DNMBP: variants seen among roughly 807,000 people sequenced by gnomAD.
DNMBP encodes the protein dynamin binding protein.
A neutral mutation model predicts 150.0 loss-of-function variants in DNMBP; 87 were observed. The ratio of observed to expected loss-of-function variants is 0.58; its 90% CI spans 0.49 to 0.69. The LOEUF is 0.69. DNMBP is among the 30% of genes least tolerant of loss of function. The pLI is 0.00. For missense variants in DNMBP, 1,774 were observed against 1,949.0 expected, an observed-to-expected ratio of 0.91 and a Z score of 1.69; for synonymous variants, 711 against 750.4, an observed-to-expected ratio of 0.95 and a Z score of 0.86.
At position 99,877,218 on chromosome 10, in the gene DNMBP, AACC is replaced by A. The variant is rs780551272; in HGVS notation, c.4664_4666del (p.Trp1555del). On this transcript the variant is annotated inframe_deletion, in exon 17 of 17. Transcript: ENST00000324109. ...GCCCTTCTTCCCGTTAACCTCAGCT[AACC>A]ACCACTCTGTATTTCCTGTAACATC... is the stretch of plus-strand genomic sequence containing the variant. 1 of 1,614,010 alleles carries A rather than the reference AACC, an allele frequency of 6.2e-7. No homozygotes were observed. Among genetic ancestry groups the A allele is most frequent in the Admixed American group, 1.7e-5 (1 of 60,002 alleles).
chr10:99,898,685 A>G, intron 8 of DNMBP, 58 bp downstream of exon 8: 1 of 1,581,266 alleles, frequency 6.3e-7, no homozygotes, highest in Non-Finnish European at 8.7e-7. Context: ...CTTAAGAGTT[A>G]GTTAGGAAAA....
chr10:99,931,374 G>A, intron 4 of DNMBP, among the ~76,000 whole-genome samples: 1 of 152,126 alleles, frequency 6.6e-6, no homozygotes, highest in East Asian at 1.9e-4. Flanking sequence ...TTCTGGAATT[G>A]AAGTCACCAG....
chr10:99,892,774 AAAT>A (rs890784890), intron 11 of DNMBP, among the ~76,000 whole-genome samples: 2 of 152,112 alleles, frequency 1.3e-5, no homozygotes, highest in African/African-American at 4.8e-5. Context: ...AATTAAAAAA[AAAT>A]ACTAAAACAC....
At chr10:99,955,170 G>GT in intron 4 of DNMBP, 44 bp downstream of exon 4, 2 of 1,547,290 alleles carry the variant, frequency 1.3e-6, no homozygotes, top group Non-Finnish European at 1.8e-6. Flanking sequence ...TCTGGGACTT[G>GT]TGAGTGTCAA....
intron 4 of DNMBP, among the ~76,000 whole-genome samples, chr10:99,934,029 C>A (rs1032231568): frequency 6.6e-6 from 1 of 152,186 alleles, no homozygotes; most frequent in African/African-American, 2.4e-5. Flanking sequence ...AGCCACTGCG[C>A]CCAGCCTTGT....
intron 1 of DNMBP, among the ~76,000 whole-genome samples, chr10:99,990,794 T>C (rs1186184733): frequency 8.9e-6 from 1 of 112,206 alleles, no homozygotes; most frequent in Non-Finnish European, 1.8e-5. Flanking sequence ...CACACATATA[T>C]ACACACATAT....
chr10:99,904,170 G>A (rs1038150882), intron 6 of DNMBP, among the ~76,000 whole-genome samples: 10 of 151,980 alleles, frequency 6.6e-5, no homozygotes, highest in East Asian at 1.9e-4. Context: ...TGGGAGGATC[G>A]CTTGAGCCCA....
At chr10:99,910,058 C>T (rs1472663686) in intron 4 of DNMBP, among the ~76,000 whole-genome samples, 2 of 152,202 alleles carry the variant, frequency 1.3e-5, no homozygotes, top group Non-Finnish European at 2.9e-5. Flanking sequence ...CTATCAAATT[C>T]TTTATGATCC....
rs1434526480 is a variant in DNMBP, at chr10:99,888,828, G to A, written c.3282C>T (p.Asn1094=). The change falls in exon 12 of 17, where the codon AAC becomes AAT. Residue 1094 remains asparagine (N), a synonymous_variant. Coordinates refer to ENST00000324109, the MANE Select transcript of DNMBP (RefSeq NM_015221.4). ...HRYISDQLFT[N]FKERTERLVI... ...TTTTGAAGAAAAAGTTACTTACAAA[G>A]TTTGTGAAGAGCTGGTCACTGATGT... 1 of 1,613,980 alleles carries A rather than the reference G, an allele frequency of 6.2e-7. No individual in the cohort carries two copies. Among genetic ancestry groups the A allele is most frequent in the East Asian group, 2.2e-5 (1 of 44,874 alleles).
intron 11 of DNMBP, among the ~76,000 whole-genome samples, chr10:99,892,889 T>C (rs1419944151): frequency 6.6e-6 from 1 of 152,164 alleles, no homozygotes; most frequent in Non-Finnish European, 1.5e-5. Context: ...AGAAAACACT[T>C]TAAGCAAACT....
At chr10:99,893,314 AC>A (rs2039601028) in intron 11 of DNMBP, among the ~76,000 whole-genome samples, 1 of 152,256 alleles carries the variant, frequency 6.6e-6, no homozygotes, top group Non-Finnish European at 1.5e-5. Flanking sequence ...TGATGTATCC[AC>A]AAGGATATTC....
intron 4 of DNMBP, among the ~76,000 whole-genome samples, chr10:99,915,209 A>G: frequency 9.0e-6 from 1 of 111,458 alleles, no homozygotes; most frequent in East Asian, 2.1e-4. Context: ...ATATACATAT[A>G]TACATACACA....
At chr10:99,972,912 G>A (rs535218344) in intron 1 of DNMBP, among the ~76,000 whole-genome samples, 4 of 152,192 alleles carry the variant, frequency 2.6e-5, no homozygotes, top group African/African-American at 9.6e-5. Flanking sequence ...CTCCCAAGTA[G>A]GTAGGACTAC....
chr10:99,935,387 A>G (rs1370738343), intron 4 of DNMBP, among the ~76,000 whole-genome samples: 2 of 151,534 alleles, frequency 1.3e-5, no homozygotes, highest in South Asian at 4.2e-4. Flanking sequence ...TTTCTTATTT[A>G]CTTTATTTTA....
rs541734923 is a variant in DNMBP, at chr10:99,971,763, G to A, written c.145+217C>T. On this transcript the variant is annotated intron_variant, in intron 2 of 16. Coordinates refer to ENST00000324109, the MANE Select transcript of DNMBP (RefSeq NM_015221.4). Reference sequence around the variant, plus strand: ...GGCTGGTCTTGAACTCCTGACTTCAGGGGATCCACCCACCTCAGCCTCCCA... The same window carrying A: ...GGCTGGTCTTGAACTCCTGACTTCAAGGGATCCACCCACCTCAGCCTCCCA... Among the ~76,000 whole-genome samples, 5 of 148,754 alleles carry A rather than the reference G, an allele frequency of 3.4e-5. No individual in the cohort carries two copies. In the South Asian group the frequency reaches 1.1e-3, roughly 32 times the overall value.
At chr10:99,992,426 A>C (rs1033822581) in intron 1 of DNMBP, among the ~76,000 whole-genome samples, 6 of 152,084 alleles carry the variant, frequency 3.9e-5, no homozygotes, top group African/African-American at 1.2e-4. Context: ...TCTTATCTGT[A>C]AAATGGGTTT....
chr10:99,915,085 ACT>A (rs1435749767), intron 4 of DNMBP, among the ~76,000 whole-genome samples: 15 of 117,336 alleles, frequency 1.3e-4, no homozygotes, highest in African/African-American at 4.8e-4. Context: ...CAAGTGTGAA[ACT>A]CTGTCTCAAA....
chr10:99,992,320 TC>T (rs1564757172), intron 1 of DNMBP, among the ~76,000 whole-genome samples: 1 of 143,240 alleles, frequency 7.0e-6, no homozygotes, highest in Non-Finnish European at 1.5e-5. Flanking sequence ...GGCAGCTCCA[TC>T]CCTTATTACA....
At chr10:99,982,081 G>C (rs532572828) in intron 1 of DNMBP, among the ~76,000 whole-genome samples, 1 of 152,264 alleles carries the variant, frequency 6.6e-6, no homozygotes, top group East Asian at 1.9e-4. Flanking sequence ...TGTGCCTTCT[G>C]TTTTCTGCTG....
Sources: gnomAD v4.1 joint callset for allele counts (sites outside exome capture counted in the v4.1 genomes callset) on GRCh38, gnomAD v4.1.1 for gene constraint, MANE v1.5 for transcripts, NCBI Gene and HGNC (gene_info 2026-07-23, HGNC 2026-07-21) for gene names.